DNM2: variants seen among roughly 807,000 people sequenced by gnomAD.
The protein encoded by DNM2 is dynamin 2.
DNM2 carries 15 observed loss-of-function variants against 99.0 expected under a neutral mutation model. That is an observed-to-expected ratio of 0.15 (90% CI 0.10 to 0.23). DNM2 has a LOEUF of 0.23. Ranked by LOEUF, DNM2 falls within the 10% of genes least tolerant of loss-of-function variation. DNM2 has a pLI of 1.00. For synonymous variants in DNM2, 525 were observed against 481.2 expected (o/e 1.09, Z -1.19); for missense variants, 742 against 1,189.4 (o/e 0.62, Z 5.53).
intron 1 of DNM2, among the ~76,000 whole-genome samples, chr19:10,731,570 T>A (rs2069320424): frequency 6.6e-6 from 1 of 152,098 alleles, no homozygotes; most frequent in Admixed American, 6.5e-5. Flanking sequence ...GCCAGGCTGG[T>A]CTCGAACTCC....
chr19:10,817,958 G>A lies in DNM2; in HGVS notation c.1672-2022G>A, dbSNP rs2072823199. Among the ~76,000 whole-genome samples the A allele has an allele frequency of 6.6e-6, 1 of 152,156 alleles. No homozygotes were observed. The highest frequency in any genetic ancestry group is 1.5e-5 in the Non-Finnish European group (1 of 68,006). On this transcript the variant is annotated intron_variant, in intron 15 of 20. Transcript: ENST00000389253. The surrounding 1 kb of genome is among the most constrained non-coding windows in gnomAD (Gnocchi z 4.6). ...AGTTACTTGGCCCTGCTGGCTGGAAGCTTCCGGCCGCGTGATATGATAGGG... is the reference window on the plus strand; with the variant it reads ...AGTTACTTGGCCCTGCTGGCTGGAAACTTCCGGCCGCGTGATATGATAGGG...
intron 16 of DNM2, among the ~76,000 whole-genome samples, chr19:10,822,052 G>A (rs1431144482): frequency 2.3e-4 from 35 of 152,210 alleles, no homozygotes; most frequent in Admixed American, 2.2e-3. Flanking sequence ...ACCACACCTG[G>A]ATGTGGGACA....
rs78080198 is a variant in DNM2 at position 10,769,708 on chromosome 19, G to A, written c.236-2771G>A. On this transcript the variant is annotated intron_variant, in intron 2 of 20. Coordinates refer to ENST00000389253, the MANE Select transcript of DNM2 (RefSeq NM_001005361.3). ...TTTCCCCTTGTCCCTGCAGAAGGCT[G>A]GAGTGTAACTGTCCTTGGGAACTGG... Among the ~76,000 whole-genome samples, 481 of 151,958 alleles carry A rather than the reference G, an allele frequency of 3.2e-3. 1 individual carries two copies. The highest frequency in any genetic ancestry group is 0.011 in the African/African-American group (466 of 41,400).
At chr19:10,755,840 C>T (rs2070364161) in intron 1 of DNM2, among the ~76,000 whole-genome samples, 1 of 151,832 alleles carries the variant, frequency 6.6e-6, no homozygotes. Flanking sequence ...ATTTTTGTAT[C>T]TTAAGTAAAG....
intron 1 of DNM2, among the ~76,000 whole-genome samples, chr19:10,730,731 G>C (rs895102119): frequency 2.0e-5 from 3 of 152,186 alleles, no homozygotes; most frequent in African/African-American, 7.2e-5. Context: ...CGTTGGCTTC[G>C]AGGGCTGTAA....
chr19:10,760,827 A>ATTTTTT (rs57290103), intron 2 of DNM2, among the ~76,000 whole-genome samples: 6 of 41,270 alleles, frequency 1.5e-4, no homozygotes, highest in East Asian at 2.2e-3. Context: ...CACCCAGCTG[A>ATTTTTT]TTTTTTTTTT....
intron 12 of DNM2, chr19:10,802,630 G>T: frequency 5.9e-6 from 3 of 512,082 alleles, no homozygotes; most frequent in Non-Finnish European, 7.2e-6. Flanking sequence ...GGGAGAGGGG[G>T]AAGCCAGCCA....
At chr19:10,751,379 G>A (rs890560390) in intron 1 of DNM2, among the ~76,000 whole-genome samples, 8 of 152,140 alleles carry the variant, frequency 5.3e-5, no homozygotes, top group Non-Finnish European at 1.2e-4. Flanking sequence ...GTAGATTTCA[G>A]TACTCTCAGA....
intron 6 of DNM2, 85 bp from the exon 7 acceptor site, chr19:10,786,479 G>T: frequency 6.2e-7 from 1 of 1,603,212 alleles, no homozygotes; most frequent in South Asian, 1.1e-5. Flanking sequence ...CCCTGGTGTT[G>T]GCCCTTGGTT....
In DNM2 at chr19:10,830,677, T is replaced by C; in HGVS notation, c.2543+299T>C. 1.7e-6 allele frequency: 1 copy of C among 580,750 alleles called. No individual in the cohort carries two copies. The highest frequency in any genetic ancestry group is 3.0e-6 in the Non-Finnish European group (1 of 329,908). 36.0% of individuals were successfully genotyped at this position (580,750 alleles called of 1,614,324 possible). ...GGGCACCTCCTCCCACTGTTTACCT[T>C]CTTCTCCTTCCTGCTCCTGCCTGCC... On this transcript the variant is annotated intron_variant, in intron 20 of 20. Transcript: ENST00000389253. The surrounding 1 kb of genome is among the most constrained non-coding windows in gnomAD (Gnocchi z 4.8).
intron 1 of DNM2, among the ~76,000 whole-genome samples, chr19:10,731,945 C>T (rs1406399107): frequency 1.3e-5 from 2 of 151,160 alleles, no homozygotes; most frequent in Non-Finnish European, 1.5e-5. Flanking sequence ...AATTGATGCA[C>T]AGGCTTGATT....
In DNM2 at chr19:10,823,778, C is replaced by G. The variant is rs1568321025; in HGVS notation, c.1782-10C>G. The G allele has an allele frequency of 3.7e-6, 6 of 1,613,102 alleles. No homozygotes were observed. Among genetic ancestry groups the G allele is most frequent in the Non-Finnish European group, 5.1e-6 (6 of 1,179,356 alleles). ...CAAGCTTGTGCCCCTCCTTCCCCACCCCCCCGCAGAAACGTCTACAAGGAC... is the reference window on the plus strand; with the variant it reads ...CAAGCTTGTGCCCCTCCTTCCCCACGCCCCCGCAGAAACGTCTACAAGGAC... On this transcript the variant is annotated splice_polypyrimidine_tract_variant and intron_variant, in intron 16 of 20. Coordinates refer to ENST00000389253, the MANE Select transcript of DNM2 (RefSeq NM_001005361.3).
At chr19:10,783,708 T>TTA (rs1350182712) in intron 6 of DNM2, among the ~76,000 whole-genome samples, 1 of 149,354 alleles carries the variant, frequency 6.7e-6, no homozygotes. Flanking sequence ...TATTATTATT[T>TTA]TTTATTTTTG....
Position 10,750,622 on chromosome 19 carries a change from G to A in DNM2, c.162-9116G>A, listed in dbSNP as rs531393121. On this transcript the variant is annotated intron_variant, in intron 1 of 20. Coordinates refer to ENST00000389253, the MANE Select transcript of DNM2 (RefSeq NM_001005361.3). ...GCTGCTGATGCAGCCTGGGCACAGA[G>A]TGAGATCCTGCCTCTAAAATAAATA... is the stretch of plus-strand genomic sequence containing the variant. Among the ~76,000 whole-genome samples the A allele has an allele frequency of 1.3e-4, 20 of 152,320 alleles. No individual in the cohort carries two copies. The South Asian group carries it at 3.9e-3, about 30-fold the overall frequency.
At chr19:10,733,795 TCAGGAGTTCAAGAC>T (rs1464727247) in intron 1 of DNM2, among the ~76,000 whole-genome samples, 1 of 150,408 alleles carries the variant, frequency 6.6e-6, no homozygotes, top group Non-Finnish European at 1.5e-5. Flanking sequence ...TCACCTGAGG[TCAGGAGTTCAAGAC>T]CAGCCTGGCC....
At position 10,805,934 on chromosome 19, in the gene DNM2, G is replaced by C; in HGVS notation, c.1512G>C (p.Thr504=). ...GTTTCAGTGCCCAGCAGAGGAGCACGCAGCTGAACAAGAAGAGAGCCATCC... is the reference window on the plus strand; with the variant it reads ...GTTTCAGTGCCCAGCAGAGGAGCACCCAGCTGAACAAGAAGAGAGCCATCC... The part of the protein sequence containing the change: ...IGFANAQQRS[T]QLNKKRAIPN... Residue 504 remains threonine (T), a synonymous_variant, in exon 13 of 21, where the codon ACG becomes ACC. Coordinates refer to ENST00000389253, the MANE Select transcript of DNM2 (RefSeq NM_001005361.3). 1 of 1,614,106 alleles carries C rather than the reference G, an allele frequency of 6.2e-7. No homozygotes were observed.
intron 7 of DNM2, 73 bp downstream of exon 7, chr19:10,786,779 T>A: frequency 6.2e-7 from 1 of 1,602,490 alleles, no homozygotes; most frequent in South Asian, 1.1e-5. Context: ...CCCCCTAGGC[T>A]GGGCACCACT....
At chr19:10,799,528 T>G (rs2072057937) in intron 11 of DNM2, among the ~76,000 whole-genome samples, 2 of 143,808 alleles carry the variant, frequency 1.4e-5, no homozygotes, top group South Asian at 4.4e-4. Context: ...TGTGTTGTGG[T>G]TTTTTGTTTT....
chr19:10,776,497 C>T (rs1358356962), intron 4 of DNM2, among the ~76,000 whole-genome samples: 2 of 152,220 alleles, frequency 1.3e-5, no homozygotes, highest in African/African-American at 4.8e-5. Flanking sequence ...GATCTTCACT[C>T]TGGCTTCCAT....
Sources: gnomAD v4.1 joint callset for allele counts (sites outside exome capture counted in the v4.1 genomes callset) on GRCh38, gnomAD v4.1.1 for gene constraint, Gnocchi (gnomAD v3.1) non-coding constraint, MANE v1.5 for transcripts, NCBI Gene and HGNC (gene_info 2026-07-23, HGNC 2026-07-21) for gene names.